The following SFI1 variants were observed in gnomAD, a reference collection of about 807,000 sequenced individuals.
The protein encoded by SFI1 is protein SFI1 homolog.
SFI1 carries 195 observed loss-of-function variants against 207.5 expected under a neutral mutation model. The observed-to-expected ratio is 0.94, with a 90% CI of 0.84 to 1.06. The LOEUF is 1.06. Ranked by LOEUF, SFI1 falls within the 50% of genes least tolerant of loss-of-function variation. The pLI is 0.00. For synonymous variants in SFI1, 630 were observed against 598.9 expected (o/e 1.05, Z -0.76); for missense variants, 1,634 against 1,588.0 (o/e 1.03, Z -0.49).
intron 6 of SFI1, among the ~76,000 whole-genome samples, chr22:31,554,365 G>C (rs2060950742): frequency 6.6e-6 from 1 of 151,992 alleles, no homozygotes; most frequent in Non-Finnish European, 1.5e-5. Flanking sequence ...CTGGAGTGCA[G>C]TGGCACGATC....
chr22:31,575,085 C>CGTGTGT (rs71679890), intron 9 of SFI1, 146 bp from the exon 10 acceptor site: 6 of 285,546 alleles, frequency 2.1e-5, no homozygotes, highest in Non-Finnish European at 3.8e-5. Context: ...AAACTTAGTG[C>CGTGTGT]GTGTGTGTGT....
rs548816322 is a variant in SFI1 at position 31,616,635 on chromosome 22, C to G, written c.3301-110C>G. ...GAAGCCCAGCTCCTGCAGCTGGGAG[C>G]CTGGTCTTCCCCCACCCCTGCAGGG... On this transcript the variant is annotated intron_variant, in intron 29 of 32. Transcript: ENST00000400288. 6.6e-6 allele frequency: 8 copies of G among 1,205,228 alleles called. No homozygotes were observed. The South Asian group carries it at 1.3e-4, about 19-fold the overall frequency. 74.7% of individuals were successfully genotyped at this position (1,205,228 alleles called of 1,614,324 possible). A position where few individuals can be genotyped will look rare whatever the true frequency, so the allele number is the denominator to read the frequency against.
chr22:31,588,008 A>G (rs894362652), intron 14 of SFI1: 3 of 152,198 alleles, frequency 2.0e-5, no homozygotes, highest in African/African-American at 7.2e-5. Flanking sequence ...ATCTATTGCT[A>G]TGTAAAAAAT....
At chr22:31,607,854 C>T in intron 21 of SFI1, 83 bp from the exon 22 acceptor site, 2 of 1,275,794 alleles carry the variant, frequency 1.6e-6, no homozygotes, top group South Asian at 1.3e-5. Context: ...CTTGCCTCTC[C>T]AGGAGCCACC....
chr22:31,598,057 A>T (rs1414801876), intron 15 of SFI1, among the ~76,000 whole-genome samples: 2 of 151,022 alleles, frequency 1.3e-5, no homozygotes, highest in Non-Finnish European at 2.9e-5. Context: ...GGCTCACTGC[A>T]AGCTCCACCT....
rs200150663 is a variant in SFI1, at chr22:31,531,093, G to A, written c.302G>A (p.Arg101Gln). 6 of 1,613,324 alleles carry A rather than the reference G, an allele frequency of 3.7e-6. No individual in the cohort carries two copies. Among genetic ancestry groups the A allele is most frequent in the East Asian group, 2.2e-5 (1 of 44,866 alleles). Residue 101 changes from arginine (R) to glutamine (Q), a missense_variant, in exon 4 of 33, where the codon CGA (arginine) becomes CAA (glutamine). Physicochemically the swap from Arg to Gln is conservative, Grantham distance 43. Transcript: ENST00000400288. ...VARKFLYLWI[R>Q]MTFGRVFPSK... Reference sequence around the variant, plus strand: ...AGAAAGTTCTTATATTTATGGATTCGAATGACTTTTGGAAGAGTATTTCCC... The same window carrying A: ...AGAAAGTTCTTATATTTATGGATTCAAATGACTTTTGGAAGAGTATTTCCC...
intron 1 of SFI1, among the ~76,000 whole-genome samples, chr22:31,498,576 A>T (rs1601731733): frequency 6.7e-6 from 1 of 149,460 alleles, no homozygotes; most frequent in Non-Finnish European, 1.5e-5. Context: ...GCTTGAACCC[A>T]GGAGGCAGAG....
In SFI1 at chr22:31,546,858, TAG is replaced by T; in HGVS notation, c.339-1_339del. On this transcript the variant is annotated splice_acceptor_variant, in intron 4 of 32. Transcript: ENST00000400288. LOFTEE classifies it high-confidence loss of function. ...TATATATATGATTTTTTTTTTGCCG[TAG>T]ATTTTACTATGAGCAGCGATTACTA... 4 of 1,580,872 alleles carry T rather than the reference TAG, an allele frequency of 2.5e-6. No individual in the cohort carries two copies. The highest frequency in any genetic ancestry group is 1.8e-5 in the Admixed American group (1 of 56,032).
chr22:31,574,103 T>C (rs1006560086), intron 9 of SFI1, among the ~76,000 whole-genome samples: 1 of 152,212 alleles, frequency 6.6e-6, no homozygotes, highest in Non-Finnish European at 1.5e-5. Flanking sequence ...TGAACATTAG[T>C]ACACTTTTTA....
intron 8 of SFI1, among the ~76,000 whole-genome samples, chr22:31,566,509 T>C (rs2062328194): frequency 6.6e-6 from 1 of 152,246 alleles, no homozygotes; most frequent in Non-Finnish European, 1.5e-5. Context: ...GATGAAGCAG[T>C]AAGCAACAGT....
At chr22:31,535,677 C>A (rs1194990596) in intron 4 of SFI1, among the ~76,000 whole-genome samples, 1 of 152,020 alleles carries the variant, frequency 6.6e-6, no homozygotes, top group African/African-American at 2.4e-5. Context: ...CACCACCATG[C>A]CCGGCTAATT....
chr22:31,554,680 C>T (rs2060991174), intron 6 of SFI1, among the ~76,000 whole-genome samples: 1 of 150,990 alleles, frequency 6.6e-6, no homozygotes, highest in African/African-American at 2.4e-5. Flanking sequence ...GATCTCGGCT[C>T]ACTGCAGCCT....
intron 22 of SFI1, among the ~76,000 whole-genome samples, chr22:31,610,523 C>T (rs1212844996): frequency 6.6e-6 from 1 of 152,214 alleles, no homozygotes; most frequent in Admixed American, 6.5e-5. Flanking sequence ...CAACCCTGTT[C>T]TGTTGTCTCA....
chr22:31,567,567 GA>G (rs1241645040), intron 8 of SFI1, among the ~76,000 whole-genome samples: 19 of 149,988 alleles, frequency 1.3e-4, no homozygotes, highest in African/African-American at 4.2e-4. Context: ...TGTGTTTGTG[GA>G]GGGGGGGGGT....
chr22:31,535,230 C>T (rs1379671978), intron 4 of SFI1, among the ~76,000 whole-genome samples: 4 of 148,532 alleles, frequency 2.7e-5, no homozygotes, highest in Non-Finnish European at 5.9e-5. Context: ...TGCTCCGTTG[C>T]CCAGGCTGGA....
rs1569468981 is a variant in SFI1 at position 31,614,820 on chromosome 22, C to CG, written c.3029dup (p.Arg1011ThrfsTer99). 6.2e-7 allele frequency: 1 copy of CG among 1,613,928 alleles called. No individual in the cohort carries two copies. The highest frequency in any genetic ancestry group is 1.3e-5 in the African/African-American group (1 of 75,050). On this transcript the variant is annotated frameshift_variant, in exon 28 of 33. Transcript: ENST00000400288. LOFTEE classifies it high-confidence loss of function. ...TGCCCACTCAGCGAGGAAGCAGCCG[C>CG]GACGCCCACACTTCCTGTTGGAGCC...
chr22:31,613,857 T>C lies in SFI1; in HGVS notation c.2996+2T>C. The C allele has an allele frequency of 1.3e-6, 2 of 1,595,650 alleles. No individual in the cohort carries two copies. Among genetic ancestry groups the C allele is most frequent in the Non-Finnish European group, 1.7e-6 (2 of 1,171,018 alleles). ...TGAGGAGCCCCACGCCCTGGAGCTG[T>C]GAGTAGCCTGTGCTCACCTTGTCCT... On this transcript the variant is annotated splice_donor_variant, in intron 27 of 32. Coordinates refer to ENST00000400288, the MANE Select transcript of SFI1 (RefSeq NM_001007467.3). LOFTEE classifies it high-confidence loss of function.
intron 2 of SFI1, among the ~76,000 whole-genome samples, chr22:31,522,587 G>A (rs1277678544): frequency 1.3e-5 from 2 of 152,002 alleles, no homozygotes; most frequent in Admixed American, 6.6e-5. Context: ...GGAATCATAC[G>A]ACATTTTTCC....
intron 7 of SFI1, chr22:31,559,677 G>A (rs568867273): frequency 1.8e-5 from 14 of 765,936 alleles, no homozygotes; most frequent in East Asian, 1.0e-4. Context: ...GAGATGGAAC[G>A]TGTGATGACC....
Sources: gnomAD v4.1 joint callset for allele counts (sites outside exome capture counted in the v4.1 genomes callset) on GRCh38, gnomAD v4.1.1 for gene constraint, MANE v1.5 for transcripts, NCBI Gene and HGNC (gene_info 2026-07-23, HGNC 2026-07-21) for gene names.